The following NDUFC2 variants were observed in gnomAD, a reference collection of about 807,000 sequenced individuals.
NDUFC2 encodes the protein NADH dehydrogenase [ubiquinone] 1 subunit C2.
NDUFC2 carries 2 observed loss-of-function variants against 10.1 expected under a neutral mutation model. That is an observed-to-expected ratio of 0.20 (90% CI 0.08 to 0.62). The LOEUF (loss-of-function observed/expected upper bound fraction) is 0.62, where lower values mean the gene tolerates loss of function less well. Ranked by LOEUF, NDUFC2 falls within the 20% of genes least tolerant of loss-of-function variation. The probability of loss-of-function intolerance (pLI) is 0.87; values close to 1 mark genes in which losing one functional copy is unlikely to be tolerated. For synonymous variants in NDUFC2, 61 were observed against 63.6 expected (o/e 0.96, Z 0.20); for missense variants, 156 against 159.6 (o/e 0.98, Z 0.12).
rs560180747 is a variant in NDUFC2 at position 78,070,525 on chromosome 11, T to C, written c.311-489A>G. Among the ~76,000 whole-genome samples, 4 of 152,348 alleles carry C rather than the reference T, an allele frequency of 2.6e-5. No homozygotes were observed. In the South Asian group the frequency reaches 8.3e-4, roughly 32 times the overall value. ...TTACCCAGTTTAAGGCATTTTGTTA[T>C]AGTAGGCCAAACGGACTAAGACAAA... On this transcript the variant is annotated intron_variant, in intron 2 of 2. Transcript: ENST00000281031.
chr11:78,073,172 G>C, intron 1 of NDUFC2, 31 bp from the exon 2 acceptor site: 1 of 1,611,966 alleles, frequency 6.2e-7, no homozygotes, highest in South Asian at 1.1e-5. Context: ...CCCAAAGAAA[G>C]CAAAAATTAG....
intron 2 of NDUFC2, among the ~76,000 whole-genome samples, chr11:78,071,125 C>T (rs1218708309): frequency 6.6e-6 from 1 of 152,014 alleles, no homozygotes; most frequent in Non-Finnish European, 1.5e-5. Flanking sequence ...CCATAAATAT[C>T]ATATATGTGA....
intron 1 of NDUFC2, among the ~76,000 whole-genome samples, chr11:78,076,513 T>C (rs919395668): frequency 6.6e-6 from 1 of 152,270 alleles, no homozygotes; most frequent in African/African-American, 2.4e-5. Context: ...ATGCATTCAG[T>C]AAATGCTGTT....
intron 1 of NDUFC2, among the ~76,000 whole-genome samples, chr11:78,074,910 C>T (rs1229012932): frequency 1.3e-5 from 2 of 152,138 alleles, no homozygotes; most frequent in Non-Finnish European, 1.5e-5. Flanking sequence ...CACAGAAAGA[C>T]TCCATAAGCG....
At chr11:78,077,271 G>T (rs1196607274) in intron 1 of NDUFC2, among the ~76,000 whole-genome samples, 1 of 150,976 alleles carries the variant, frequency 6.6e-6, no homozygotes, top group African/African-American at 2.4e-5. Flanking sequence ...TAGCCTGGGT[G>T]ACAGAGTGAG....
chr11:78,071,987 A>G (rs1366169846), intron 2 of NDUFC2, among the ~76,000 whole-genome samples: 2 of 152,142 alleles, frequency 1.3e-5, no homozygotes, highest in Non-Finnish European at 2.9e-5. Context: ...TCTATACAAG[A>G]GGCTGGGGAA....
chr11:78,070,060 GATTT>G (rs746537994), intron 2 of NDUFC2, 24 bp from the exon 3 acceptor site: 17 of 1,442,066 alleles, frequency 1.2e-5, no homozygotes, highest in African/African-American at 5.7e-5. Context: ...GATCATAAAA[GATTT>G]ATTTTAAAAA....
Position 78,079,580 on chromosome 11 carries a change from A to G in NDUFC2, c.165T>C (p.Ala55=), listed in dbSNP as rs1289478836. The G allele has an allele frequency of 1.3e-6, 2 of 1,550,512 alleles. No individual in the cohort carries two copies. Among genetic ancestry groups the G allele is most frequent in the Non-Finnish European group, 1.7e-6 (2 of 1,147,464 alleles). Residue 55 remains alanine (A), a splice_region_variant and synonymous_variant, in exon 1 of 3, where the codon GCT becomes GCC. Coordinates refer to ENST00000281031, the MANE Select transcript of NDUFC2 (RefSeq NM_004549.6). ...NLIRRRPIAT[A]GLHRQLLYIT... is the part of the protein sequence containing the mutation. ...CGATCCCGGCCGCGCAGCACTCACC[A>G]GCCGTCGCGATCGGCCTCCGCCGGA...
chr11:78,069,815 G>A lies in NDUFC2; in HGVS notation c.*172C>T, dbSNP rs540933242. 28 of 1,416,100 alleles carry A rather than the reference G, an allele frequency of 2.0e-5. No individual in the cohort carries two copies. In the South Asian group the frequency reaches 3.4e-4, roughly 17 times the overall value. 87.7% of individuals were successfully genotyped at this position (1,416,100 alleles called of 1,614,324 possible). A position where few individuals can be genotyped will look rare whatever the true frequency, so the allele number is the denominator to read the frequency against. On this transcript the variant is annotated 3_prime_UTR_variant, in exon 3 of 3. Coordinates refer to ENST00000281031, the MANE Select transcript of NDUFC2 (RefSeq NM_004549.6). The stretch of plus-strand genomic sequence containing the variant: ...GAATGGAAACTGACCATTCTCTGAT[G>A]ATGAACTATTTTTCTTACAACAATA...
Position 78,069,755 on chromosome 11 carries a change from G to C in NDUFC2, c.*232C>G. The stretch of plus-strand genomic sequence containing the variant: ...TGGGTAGTCTGCTAACTCTAAACTA[G>C]AATTCAACCTCATCTTAAAATCTTT... On this transcript the variant is annotated 3_prime_UTR_variant, in exon 3 of 3. Transcript: ENST00000281031. The C allele has an allele frequency of 2.1e-6, 2 of 973,976 alleles. No homozygotes were observed. The highest frequency in any genetic ancestry group is 3.2e-5 in the South Asian group (2 of 62,054). The allele number at this position is 973,976 out of a possible 1,614,324, so 60.3% of individuals were successfully genotyped here.
chr11:78,077,813 C>A (rs898047872), intron 1 of NDUFC2, among the ~76,000 whole-genome samples: 78 of 152,212 alleles, frequency 5.1e-4, no homozygotes, highest in African/African-American at 1.8e-3. Context: ...CTGCCTTGGT[C>A]TCCCAAAGTG....
At chr11:78,078,561 G>C (rs564854929) in intron 1 of NDUFC2, among the ~76,000 whole-genome samples, 1 of 151,960 alleles carries the variant, frequency 6.6e-6, no homozygotes, top group Non-Finnish European at 1.5e-5. Flanking sequence ...GTTATTATCA[G>C]AATAGTCAGT....
Position 78,079,808 on chromosome 11 carries a change from C to T in NDUFC2, c.-64G>A. 6.5e-7 allele frequency: 1 copy of T among 1,538,686 alleles called. No homozygotes were observed. The highest frequency in any genetic ancestry group is 1.2e-5 in the South Asian group (1 of 82,128). ...CGAACTACAAGGAAAACCACGACGA[C>T]CACTACCCCGGCCTAAGCGGTCAGC... On this transcript the variant is annotated 5_prime_UTR_variant, in exon 1 of 3. Transcript: ENST00000281031.
At chr11:78,079,129 C>T (rs1428771553) in intron 1 of NDUFC2, among the ~76,000 whole-genome samples, 1 of 95,300 alleles carries the variant, frequency 1.0e-5, no homozygotes, top group Admixed American at 9.8e-5. Flanking sequence ...AAAAAAAAAC[C>T]AAGCTCTGCT....
In NDUFC2 at chr11:78,071,108, T is replaced by G. The variant is rs541115253; in HGVS notation, c.311-1072A>C. Among the ~76,000 whole-genome samples, 3 of 152,332 alleles carry G rather than the reference T, an allele frequency of 2.0e-5. No homozygotes were observed. The East Asian group carries it at 5.8e-4, about 29-fold the overall frequency. ...GGCAAAAAAAGAAACTGTATCTTTC[T>G]GATCCACCATAAATATCATATATGT... On this transcript the variant is annotated intron_variant, in intron 2 of 2. Transcript: ENST00000281031.
rs530305868 is a variant in NDUFC2 at position 78,068,499 on chromosome 11, C to T, written c.*1488G>A. On this transcript the variant is annotated 3_prime_UTR_variant, in exon 3 of 3. Transcript: ENST00000281031. ...TATAAGGCCACCTAATTTGAAATCA[C>T]ATATAGACCAGGCGCGGTGGCTCAC... 2.0e-5 allele frequency: 3 copies of T among 152,248 alleles called. No homozygotes were observed. In the East Asian group the frequency reaches 5.8e-4, roughly 29 times the overall value. 9.4% of individuals were successfully genotyped at this position (152,248 alleles called of 1,614,324 possible). A position where few individuals can be genotyped will look rare whatever the true frequency, so the allele number is the denominator to read the frequency against.
chr11:78,073,273 C>G (rs943776972), intron 1 of NDUFC2, 132 bp from the exon 2 acceptor site: 1 of 1,379,046 alleles, frequency 7.3e-7, no homozygotes, highest in Middle Eastern at 2.6e-4. Context: ...AGGTGGATCA[C>G]CTGAGGTCAG....
At chr11:78,077,938 T>C (rs943255784) in intron 1 of NDUFC2, among the ~76,000 whole-genome samples, 3 of 152,098 alleles carry the variant, frequency 2.0e-5, no homozygotes, top group African/African-American at 7.2e-5. Flanking sequence ...TATGAAGTGG[T>C]GATGAAAAGG....
intron 1 of NDUFC2, among the ~76,000 whole-genome samples, chr11:78,076,232 C>T (rs1002622781): frequency 3.3e-5 from 5 of 152,158 alleles, no homozygotes; most frequent in Non-Finnish European, 7.3e-5. Context: ...ATCTCCACCT[C>T]CCAGGTTCAA....
Sources: allele counts gnomAD v4.1 joint callset (sites outside exome capture counted in the v4.1 genomes callset), GRCh38; gene constraint gnomAD v4.1.1; transcripts MANE v1.5; gene names NCBI Gene and HGNC (gene_info 2026-07-23, HGNC 2026-07-21).